Variants in PRDM6 observed in about 807,000 individuals in gnomAD.
PRDM6 encodes putative histone-lysine N-methyltransferase PRDM6.
Under a neutral mutation model 60.8 loss-of-function variants are expected in PRDM6, and 25 were observed. That is an observed-to-expected ratio of 0.41 (90% CI 0.30 to 0.57). The LOEUF (loss-of-function observed/expected upper bound fraction) is 0.57. Among genes scored for constraint, PRDM6 ranks in the 20% least tolerant of loss-of-function variants. PRDM6 has a pLI of 0.27. For missense variants in PRDM6, 839 were observed against 821.3 expected (o/e 1.02, Z -0.26); for synonymous variants, 407 against 357.4 (o/e 1.14, Z -1.57).
intron 3 of PRDM6, among the ~76,000 whole-genome samples, chr5:123,139,701 A>G (rs1765056039): frequency 6.6e-6 from 1 of 152,090 alleles, no homozygotes; most frequent in African/African-American, 2.4e-5. Flanking sequence ...CACTGCATCT[A>G]CTGTTTTGAT....
chr5:123,180,077 G>C, intron 6 of PRDM6, 70 bp from the exon 7 acceptor site: 1 of 1,416,716 alleles, frequency 7.1e-7, no homozygotes, highest in Non-Finnish European at 9.4e-7. Flanking sequence ...TTGGCCCCTT[G>C]TCATATGATT....
intron 3 of PRDM6, among the ~76,000 whole-genome samples, chr5:123,100,194 G>T (rs919680536): frequency 2.0e-5 from 3 of 152,230 alleles, no homozygotes; most frequent in African/African-American, 7.2e-5. Context: ...AACCCAGCCA[G>T]GGAAACAGCC....
intron 4 of PRDM6, among the ~76,000 whole-genome samples, chr5:123,157,807 G>T (rs960871340): frequency 2.6e-5 from 4 of 152,202 alleles, no homozygotes; most frequent in African/African-American, 9.7e-5. Flanking sequence ...AAGCACACTT[G>T]ATTGATTGAC....
intron 3 of PRDM6, among the ~76,000 whole-genome samples, chr5:123,149,509 C>G (rs189910136): frequency 1.3e-5 from 2 of 152,136 alleles, no homozygotes; most frequent in Non-Finnish European, 1.5e-5. Flanking sequence ...AAAGCCACAG[C>G]TAATTAAAAC....
In PRDM6 at chr5:123,189,223, C is replaced by T. The variant is rs1353671711; in HGVS notation, c.*2022C>T. The T allele has an allele frequency of 6.6e-6, 1 of 152,200 alleles. No individual in the cohort carries two copies. Among genetic ancestry groups the T allele is most frequent in the Non-Finnish European group, 1.5e-5 (1 of 68,038 alleles). 9.4% of individuals were successfully genotyped at this position (152,200 alleles called of 1,614,324 possible). A position where few individuals can be genotyped will look rare whatever the true frequency, so the allele number is the denominator to read the frequency against. ...TGTGAATGAAATGTAGCCATATTAA[C>T]CTGAAACCTGCAAGAAAAGGACAGA... On this transcript the variant is annotated 3_prime_UTR_variant, in exon 8 of 8. Coordinates refer to ENST00000407847, the MANE Select transcript of PRDM6 (RefSeq NM_001136239.4).
intron 3 of PRDM6, among the ~76,000 whole-genome samples, chr5:123,122,295 C>G (rs144350942): frequency 1.5e-3 from 223 of 152,156 alleles, no homozygotes; most frequent in Middle Eastern, 6.8e-3. Context: ...GACAAACAGC[C>G]TTGAGAACCT....
rs961194860 is a variant in PRDM6, at chr5:123,090,591, A to T, written c.577A>T (p.Ser193Cys). ...MEIIPLNQHT[S>C]DPNNRCDMCA... ...GATCATCCCGCTCAACCAGCACACCAGCGACCCCAACAACCGTACGTAGCC... is the reference window on the plus strand; with the variant it reads ...GATCATCCCGCTCAACCAGCACACCTGCGACCCCAACAACCGTACGTAGCC... The change falls in exon 2 of 8, where the codon AGC becomes TGC. Residue 193 changes from serine to cysteine, a missense_variant. Ser to Cys is a moderately radical substitution (Grantham distance 112, BLOSUM62 -1). This residue lies in a region of PRDM6 where 730 missense variants were observed against 648.8 expected (regional missense o/e 1.13). Transcript: ENST00000407847. The T allele has an allele frequency of 1.8e-5, 28 of 1,522,444 alleles. No individual in the cohort carries two copies. Among genetic ancestry groups the T allele is most frequent in the Middle Eastern group, 2.3e-4 (1 of 4,348 alleles). The allele number at this position is 1,522,444 out of a possible 1,614,324, so 94.3% of individuals were successfully genotyped here.
At chr5:123,125,682 A>C (rs1260135141) in intron 3 of PRDM6, among the ~76,000 whole-genome samples, 1 of 152,218 alleles carries the variant, frequency 6.6e-6, no homozygotes, top group Non-Finnish European at 1.5e-5. Context: ...TTCAGAATGG[A>C]ACACTTTCTT....
intron 3 of PRDM6, among the ~76,000 whole-genome samples, chr5:123,150,905 T>G (rs1296280078): frequency 3.3e-5 from 5 of 152,196 alleles, no homozygotes; most frequent in Non-Finnish European, 7.3e-5. Flanking sequence ...TTCATAGAGT[T>G]GAAAGAGATT....
Position 123,099,520 on chromosome 5 carries a change from G to A in PRDM6, c.593-134G>A, listed in dbSNP as rs376312121. On this transcript the variant is annotated intron_variant, in intron 2 of 7. Coordinates refer to ENST00000407847, the MANE Select transcript of PRDM6 (RefSeq NM_001136239.4). The surrounding 1 kb of genome is among the most constrained non-coding windows in gnomAD (Gnocchi z 4.0). ...TCTGAGTTGCTTCGGTGCCCCCAAG[G>A]CATCACCTTCCTCGAAGGTGGCTTA... is the stretch of plus-strand genomic sequence containing the variant. 3.1e-5 allele frequency: 24 copies of A among 766,986 alleles called. 2 individuals are homozygous for A. The highest frequency in any genetic ancestry group is 2.7e-4 in the Admixed American group (8 of 30,072). 47.5% of individuals were successfully genotyped at this position (766,986 alleles called of 1,614,324 possible). A position where few individuals can be genotyped will look rare whatever the true frequency, so the allele number is the denominator to read the frequency against.
intron 3 of PRDM6, among the ~76,000 whole-genome samples, chr5:123,141,470 T>C (rs1239468153): frequency 6.6e-6 from 1 of 152,150 alleles, no homozygotes; most frequent in African/African-American, 2.4e-5. Context: ...AATTCTCTTT[T>C]GTAATTGTAT....
chr5:123,180,136 A>G lies in PRDM6; in HGVS notation c.1497-11A>G, dbSNP rs781443681. ...AAAACAATGACCAGACAGTCTGTTT[A>G]TTTGTTTCAGACCCTACCAATGCGG... On this transcript the variant is annotated splice_polypyrimidine_tract_variant and intron_variant, in intron 6 of 7. Transcript: ENST00000407847. 1.0e-5 allele frequency: 16 copies of G among 1,529,348 alleles called. No individual in the cohort carries two copies. Among genetic ancestry groups the G allele is most frequent in the Non-Finnish European group, 8.8e-6 (10 of 1,132,496 alleles). The allele number at this position is 1,529,348 out of a possible 1,614,324, so 94.7% of individuals were successfully genotyped here.
chr5:123,186,767 T>G (rs1434516511), intron 7 of PRDM6, among the ~76,000 whole-genome samples: 5 of 152,248 alleles, frequency 3.3e-5, no homozygotes, highest in African/African-American at 7.2e-5. Flanking sequence ...GCAAGCTGCT[T>G]CTTTGATGGC....
intron 3 of PRDM6, among the ~76,000 whole-genome samples, chr5:123,155,667 A>C (rs988028913): frequency 6.6e-6 from 1 of 152,238 alleles, no homozygotes; most frequent in Admixed American, 6.5e-5. Context: ...TGTTTAATAC[A>C]GAGAAGATTG....
At position 123,187,254 on chromosome 5, in the gene PRDM6, G is replaced by A. The variant is rs1380482268; in HGVS notation, c.*53G>A. 8 of 1,371,380 alleles carry A rather than the reference G, an allele frequency of 5.8e-6. No individual in the cohort carries two copies. Among genetic ancestry groups the A allele is most frequent in the African/African-American group, 2.9e-5 (2 of 69,330 alleles). 85.0% of individuals were successfully genotyped at this position (1,371,380 alleles called of 1,614,324 possible). A position where few individuals can be genotyped will look rare whatever the true frequency, so the allele number is the denominator to read the frequency against. On this transcript the variant is annotated 3_prime_UTR_variant, in exon 8 of 8. Transcript: ENST00000407847. ...AAGGAAAGTCATGATTAAATGTCAC[G>A]GACACTTAAGCAAAACCAAAGATTT...
intron 3 of PRDM6, among the ~76,000 whole-genome samples, chr5:123,108,741 A>G (rs1038504399): frequency 6.6e-6 from 1 of 152,168 alleles, no homozygotes; most frequent in African/African-American, 2.4e-5. Flanking sequence ...GAACTATGTA[A>G]GGGTATAAAG....
intron 3 of PRDM6, among the ~76,000 whole-genome samples, chr5:123,138,575 A>G (rs1267791874): frequency 2.0e-5 from 3 of 152,232 alleles, no homozygotes; most frequent in Non-Finnish European, 4.4e-5. Flanking sequence ...GGAAAGTTGA[A>G]TGTTTTCAGG....
At chr5:123,089,680 C>T (rs1763758763) in intron 1 of PRDM6, among the ~76,000 whole-genome samples, 161 bp downstream of exon 1, 1 of 152,072 alleles carries the variant, frequency 6.6e-6, no homozygotes. Flanking sequence ...CGGCTCCGGG[C>T]GCTGGCTGAG....
At chr5:123,161,195 A>G (rs1765622822) in intron 5 of PRDM6, among the ~76,000 whole-genome samples, 1 of 152,162 alleles carries the variant, frequency 6.6e-6, no homozygotes, top group Admixed American at 6.5e-5. Context: ...GTGTTGAGGG[A>G]TGTCTAGAGT....
Sources: gnomAD v4.1 joint callset for allele counts (sites outside exome capture counted in the v4.1 genomes callset) on GRCh38, gnomAD v4.1.1 for gene constraint, gnomAD v4.1.1 regional missense constraint, Gnocchi (gnomAD v3.1) non-coding constraint, MANE v1.5 for transcripts, NCBI Gene and HGNC (gene_info 2026-07-23, HGNC 2026-07-21) for gene names.